Variants in PRKAR1B observed in about 807,000 individuals in gnomAD.
The protein encoded by PRKAR1B is protein kinase cAMP-dependent type I regulatory subunit beta, also known as cAMP-dependent protein kinase type I-beta regulatory subunit.
Under a neutral mutation model 46.5 loss-of-function variants are expected in PRKAR1B, and 22 were observed. The ratio of observed to expected loss-of-function variants is 0.47; its 90% confidence interval spans 0.34 to 0.68. The LOEUF (loss-of-function observed/expected upper bound fraction) is 0.68, where lower values mean the gene tolerates loss of function less well. Among genes scored for constraint, PRKAR1B ranks in the 30% least tolerant of loss-of-function variants. PRKAR1B has a pLI of 0.01. For missense variants in PRKAR1B, 445 were observed against 535.6 expected (o/e 0.83, Z 1.67); for synonymous variants, 259 against 217.7 (o/e 1.19, Z -1.67).
At chr7:723,511 G>A (rs950487600) in intron 1 of PRKAR1B, among the ~76,000 whole-genome samples, 5 of 152,192 alleles carry the variant, frequency 3.3e-5, no homozygotes, top group Admixed American at 6.5e-5. Context: ...TTTCCTCGTC[G>A]CCTGCTATGT....
intron 4 of PRKAR1B, among the ~76,000 whole-genome samples, chr7:631,935 C>T (rs1033048923): frequency 2.0e-5 from 3 of 147,430 alleles, no homozygotes; most frequent in East Asian, 2.1e-4. Context: ...CCAGCCTGAG[C>T]GACACAGCAA....
chr7:631,590 G>A (rs1438929258), intron 4 of PRKAR1B, among the ~76,000 whole-genome samples: 5 of 152,320 alleles, frequency 3.3e-5, no homozygotes, highest in African/African-American at 1.2e-4. Context: ...GCCGGGGCAC[G>A]GTGTGCAGGC....
intron 4 of PRKAR1B, among the ~76,000 whole-genome samples, chr7:672,123 T>C (rs1011349534): frequency 1.3e-5 from 2 of 151,866 alleles, no homozygotes; most frequent in African/African-American, 4.8e-5. Flanking sequence ...CCTCTGGAAG[T>C]ATTTGTCGTC....
intron 9 of PRKAR1B, among the ~76,000 whole-genome samples, chr7:554,068 C>G (rs1778250907): frequency 6.6e-6 from 1 of 152,396 alleles, no homozygotes; most frequent in African/African-American, 2.4e-5. Context: ...GCTCCCAGCT[C>G]TCCTCCCAGT....
chr7:678,469 T>G (rs1293401235), intron 3 of PRKAR1B, among the ~76,000 whole-genome samples: 3 of 152,222 alleles, frequency 2.0e-5, no homozygotes, highest in Non-Finnish European at 4.4e-5. Context: ...CTCCCGTCTG[T>G]CTGTCTGTCT....
At chr7:577,808 G>A (rs549408307) in intron 9 of PRKAR1B, among the ~76,000 whole-genome samples, 1 of 152,354 alleles carries the variant, frequency 6.6e-6, no homozygotes, top group East Asian at 1.9e-4. Flanking sequence ...GGATTCAAGG[G>A]CCAGCAGGAG....
rs528166372 is a variant in PRKAR1B at position 644,486 on chromosome 7, G to A, written c.440+32743C>T. 1.1e-3 allele frequency among the ~76,000 whole-genome samples: 172 copies of A among 152,242 alleles called. 1 individual carries two copies. Among genetic ancestry groups the A allele is most frequent in the Non-Finnish European group, 1.3e-3 (86 of 68,000 alleles). ...TTGCATCAGGAGGGAAGCCCCACTC[G>A]GACGCCATCCCGGGGTCCAGCATCC... is the stretch of plus-strand genomic sequence containing the variant. On this transcript the variant is annotated intron_variant, in intron 4 of 10. Coordinates refer to ENST00000537384, the MANE Select transcript of PRKAR1B (RefSeq NM_001164760.2). This position sits in a 1 kb window ranked among gnomAD's most constrained non-coding sequence, Gnocchi z 4.9.
intron 4 of PRKAR1B, among the ~76,000 whole-genome samples, chr7:625,433 A>G (rs1783331777): frequency 6.6e-6 from 1 of 152,262 alleles, no homozygotes; most frequent in Non-Finnish European, 1.5e-5. Context: ...GGAATTGAAA[A>G]TAGGAAAATA....
At chr7:619,898 T>G (rs924874082) in intron 4 of PRKAR1B, among the ~76,000 whole-genome samples, 2 of 152,258 alleles carry the variant, frequency 1.3e-5, no homozygotes, top group Non-Finnish European at 2.9e-5. Context: ...TCACCCAGGC[T>G]AGAGTGCAGT....
In PRKAR1B at chr7:679,375, G is replaced by A. The variant is rs868161761; in HGVS notation, c.348+1181C>T. On this transcript the variant is annotated intron_variant, in intron 3 of 10. Coordinates refer to ENST00000537384, the MANE Select transcript of PRKAR1B (RefSeq NM_001164760.2). ...GTTCTTCACACTCTCCTCGTGTGCC[G>A]TGAGCAGGGCTGGTCAGGCATTCTG... Among the ~76,000 whole-genome samples the A allele has an allele frequency of 6.6e-5, 10 of 152,212 alleles. No homozygotes were observed. The South Asian group carries it at 1.2e-3, about 19-fold the overall frequency.
chr7:565,311 G>A (rs1398050833), intron 9 of PRKAR1B: 1 of 152,196 alleles, frequency 6.6e-6, no homozygotes. Flanking sequence ...ACAAATGCTG[G>A]TCTTACTACT....
intron 2 of PRKAR1B, among the ~76,000 whole-genome samples, chr7:681,486 A>G (rs1315475550): frequency 6.6e-6 from 1 of 152,228 alleles, no homozygotes; most frequent in African/African-American, 2.4e-5. Context: ...CACATCCACA[A>G]TTATCTCAAA....
chr7:728,896 C>T (rs1319035951), upstream of PRKAR1B, among the ~76,000 whole-genome samples: 5 of 152,178 alleles, frequency 3.3e-5, no homozygotes, highest in Admixed American at 6.5e-5. Context: ...GAGGCGCTCA[C>T]CCAAAGTCTC....
intron 2 of PRKAR1B, among the ~76,000 whole-genome samples, chr7:704,569 A>T (rs1230854654): frequency 2.0e-5 from 3 of 152,080 alleles, no homozygotes; most frequent in Non-Finnish European, 4.4e-5. Context: ...TGAGGTCAGG[A>T]GTTCGAGAGC....
rs1328667883 is a variant in PRKAR1B, at chr7:603,655, GA to G, written c.549+2537del. 5.8e-3 allele frequency among the ~76,000 whole-genome samples: 827 copies of G among 141,370 alleles called. 25 individuals carry two copies. The highest frequency in any genetic ancestry group is 0.011 in the African/African-American group (393 of 35,552). The allele number at this position is 141,370 out of a possible 152,430, so 92.7% of individuals were successfully genotyped here. On this transcript the variant is annotated intron_variant, in intron 6 of 10. Coordinates refer to ENST00000537384, the MANE Select transcript of PRKAR1B (RefSeq NM_001164760.2). Reference sequence around the variant, plus strand: ...AGGTGACACCAGGACCCAGAGTGGAGAGGGCAGGGGAGGAGGTGACACGGTG... The same window carrying G: ...AGGTGACACCAGGACCCAGAGTGGAGGGGCAGGGGAGGAGGTGACACGGTG...
intron 4 of PRKAR1B, among the ~76,000 whole-genome samples, chr7:642,727 C>T (rs541103719): frequency 7.5e-5 from 11 of 145,778 alleles, no homozygotes; most frequent in South Asian, 6.5e-4. Flanking sequence ...AGCGAGACTC[C>T]GTCTCAAAAA....
intron 2 of PRKAR1B, among the ~76,000 whole-genome samples, chr7:704,435 T>C (rs557249277): frequency 1.3e-5 from 2 of 151,084 alleles, no homozygotes; most frequent in South Asian, 4.3e-4. Flanking sequence ...TATTACTCTA[T>C]ATTGATAAAT....
At chr7:680,979 C>G (rs367560419) in intron 2 of PRKAR1B, among the ~76,000 whole-genome samples, 1 of 150,336 alleles carries the variant, frequency 6.7e-6, no homozygotes, top group Non-Finnish European at 1.5e-5. Context: ...AATTGTAATC[C>G]CCATCATCCC....
At chr7:575,169 C>T (rs1024935724) in intron 9 of PRKAR1B, among the ~76,000 whole-genome samples, 2 of 152,228 alleles carry the variant, frequency 1.3e-5, no homozygotes, top group African/African-American at 4.8e-5. Context: ...GGGTTGCATC[C>T]AGATGGAGGC....
Sources: gnomAD v4.1 joint callset for allele counts (sites outside exome capture counted in the v4.1 genomes callset) on GRCh38, gnomAD v4.1.1 for gene constraint, Gnocchi (gnomAD v3.1) non-coding constraint, MANE v1.5 for transcripts, NCBI Gene and HGNC (gene_info 2026-07-23, HGNC 2026-07-21) for gene names.